Variants in CPQ observed in about 807,000 individuals in gnomAD.
The protein encoded by CPQ is Ser-Met dipeptidase.
In CPQ, 37 loss-of-function variants were observed where a neutral mutation model predicts 45.7. That is an observed-to-expected ratio of 0.81 (90% CI 0.62 to 1.07). The LOEUF (loss-of-function observed/expected upper bound fraction) is 1.07, where lower values mean the gene tolerates loss of function less well. CPQ is among the 50% of genes least tolerant of loss of function. The probability of loss-of-function intolerance (pLI) is 0.00; values close to 1 mark genes in which losing one functional copy is unlikely to be tolerated. For synonymous variants in CPQ, 186 were observed against 205.8 expected, an observed-to-expected ratio of 0.90 and a Z score of 0.82; for missense variants, 537 against 572.9, an observed-to-expected ratio of 0.94 and a Z score of 0.64.
intron 1 of CPQ, among the ~76,000 whole-genome samples, chr8:96,746,039 G>A (rs924837857): frequency 8.5e-5 from 13 of 152,286 alleles, no homozygotes; most frequent in Middle Eastern, 6.8e-3. Context: ...GAAACTAGCC[G>A]CAATGTGAAC....
intron 1 of CPQ, among the ~76,000 whole-genome samples, chr8:96,760,740 A>G (rs1440250690): frequency 6.6e-6 from 1 of 152,186 alleles, no homozygotes; most frequent in Admixed American, 6.6e-5. Flanking sequence ...CAACTGCAAT[A>G]CGTAGGAACT....
chr8:96,826,642 TG>T (rs1811382950), intron 2 of CPQ, among the ~76,000 whole-genome samples: 2 of 152,032 alleles, frequency 1.3e-5, no homozygotes, highest in African/African-American at 4.8e-5. Context: ...TTTTAAGTTC[TG>T]GGGTACATAT....
At chr8:97,031,590 A>C (rs546684225) in intron 6 of CPQ, among the ~76,000 whole-genome samples, 14 of 152,232 alleles carry the variant, frequency 9.2e-5, no homozygotes, top group African/African-American at 3.4e-4. Flanking sequence ...ATGTGAAAAA[A>C]GAAGGTTTAT....
chr8:96,884,077 G>A (rs1299613855), intron 4 of CPQ, among the ~76,000 whole-genome samples: 10 of 152,084 alleles, frequency 6.6e-5, no homozygotes, highest in Admixed American at 6.6e-4. Context: ...TGAATGTAGT[G>A]CAACATGTCC....
intron 1 of CPQ, among the ~76,000 whole-genome samples, chr8:96,645,770 C>G (rs946877725): frequency 1.3e-4 from 19 of 151,996 alleles, no homozygotes; most frequent in Non-Finnish European, 1.5e-5. Context: ...CTTCATCCCC[C>G]ATCTGCAAAC....
intron 6 of CPQ, among the ~76,000 whole-genome samples, chr8:97,041,107 T>C (rs1207726930): frequency 6.6e-6 from 1 of 152,274 alleles, no homozygotes; most frequent in Non-Finnish European, 1.5e-5. Context: ...TGATTCTTCC[T>C]ACCCATGAGC....
chr8:96,772,099 T>G (rs974331068), intron 1 of CPQ, among the ~76,000 whole-genome samples: 1 of 151,988 alleles, frequency 6.6e-6, no homozygotes, highest in African/African-American at 2.4e-5. Flanking sequence ...ATGAATTTCT[T>G]TAGAAGAGAG....
intron 2 of CPQ, among the ~76,000 whole-genome samples, chr8:96,824,177 T>C (rs777255409): frequency 8.6e-5 from 13 of 152,022 alleles, no homozygotes; most frequent in Admixed American, 2.0e-4. Context: ...TCTCTCTCCA[T>C]CTCTTTCTGT....
chr8:97,003,769 G>A (rs950294852), intron 5 of CPQ, among the ~76,000 whole-genome samples: 1 of 152,092 alleles, frequency 6.6e-6, no homozygotes, highest in African/African-American at 2.4e-5. Flanking sequence ...CAAGGAAGGG[G>A]GGATAATTAT....
intron 1 of CPQ, among the ~76,000 whole-genome samples, chr8:96,747,972 C>T (rs145785070): frequency 4.3e-4 from 65 of 152,302 alleles, no homozygotes; most frequent in South Asian, 1.2e-3. Context: ...ACAGCAATTA[C>T]GGATTTCATT....
At chr8:96,933,198 A>G (rs1812996955) in intron 4 of CPQ, among the ~76,000 whole-genome samples, 1 of 152,174 alleles carries the variant, frequency 6.6e-6, no homozygotes, top group Non-Finnish European at 1.5e-5. Context: ...AAGTAGCTTC[A>G]ATTTGGCTTT....
chr8:96,744,135 G>T (rs1218296924), intron 1 of CPQ, among the ~76,000 whole-genome samples: 1 of 152,276 alleles, frequency 6.6e-6, no homozygotes, highest in Non-Finnish European at 1.5e-5. Context: ...AAGACTCTGT[G>T]GGTGTAGGAC....
At chr8:96,933,132 A>G (rs1192290921) in intron 4 of CPQ, among the ~76,000 whole-genome samples, 2 of 152,072 alleles carry the variant, frequency 1.3e-5, no homozygotes, top group African/African-American at 4.8e-5. Context: ...ACCATGGGGA[A>G]TTGGTGATTT....
At chr8:96,775,662 AC>A (rs1270338863) in intron 1 of CPQ, among the ~76,000 whole-genome samples, 1 of 152,218 alleles carries the variant, frequency 6.6e-6, no homozygotes. Context: ...GTATTCGTAT[AC>A]ACAATAGAGT....
intron 7 of CPQ, among the ~76,000 whole-genome samples, chr8:97,127,708 A>T (rs1186027558): frequency 1.3e-5 from 2 of 152,202 alleles, no homozygotes; most frequent in African/African-American, 4.8e-5. Context: ...GAAAAAAAGA[A>T]AAAGAAATAC....
intron 4 of CPQ, among the ~76,000 whole-genome samples, chr8:96,961,195 C>G (rs62508583): frequency 2.7e-3 from 405 of 152,338 alleles, no homozygotes; most frequent in Non-Finnish European, 4.6e-3. Context: ...TGCTCAGCCT[C>G]CTTGCCAAGA....
At chr8:97,044,923 G>T (rs375232369) in intron 6 of CPQ, among the ~76,000 whole-genome samples, 2 of 151,130 alleles carry the variant, frequency 1.3e-5, no homozygotes, top group African/African-American at 2.5e-5. Flanking sequence ...TTAGGCTGCT[G>T]GGGGGTCAGG....
chr8:97,069,167 A>C (rs1240323556), intron 7 of CPQ, among the ~76,000 whole-genome samples: 1 of 152,220 alleles, frequency 6.6e-6, no homozygotes, highest in Non-Finnish European at 1.5e-5. Context: ...AGATGACTCT[A>C]AATGTTTCCT....
intron 1 of CPQ, among the ~76,000 whole-genome samples, chr8:96,695,732 C>T (rs1454259264): frequency 6.6e-6 from 1 of 151,322 alleles, no homozygotes; most frequent in Non-Finnish European, 1.5e-5. Context: ...AAATTAAAAC[C>T]ACAATGAGAT....
Sources: gnomAD v4.1 joint callset for allele counts (sites outside exome capture counted in the v4.1 genomes callset) on GRCh38, gnomAD v4.1.1 for gene constraint, MANE v1.5 for transcripts, NCBI Gene and HGNC (gene_info 2026-07-23, HGNC 2026-07-21) for gene names.